Variants in MRS2 observed in about 807,000 individuals in gnomAD.
The protein encoded by MRS2 is magnesium transporter MRS2.
A neutral mutation model predicts 52.6 loss-of-function variants in MRS2; 40 were observed. That is an observed-to-expected ratio of 0.76 (90% CI 0.59 to 0.99). MRS2 has a LOEUF of 0.99. Among genes scored for constraint, MRS2 ranks in the 50% least tolerant of loss-of-function variants. MRS2 has a pLI of 0.00. For missense variants in MRS2, 472 were observed against 532.7 expected, an observed-to-expected ratio of 0.89 and a Z score of 1.12; for synonymous variants, 193 against 195.9, an observed-to-expected ratio of 0.98 and a Z score of 0.13.
Position 24,416,494 on chromosome 6 carries a change from T to TG in MRS2, c.819dup (p.Ser274GlufsTer2). On this transcript the variant is annotated frameshift_variant, in exon 7 of 11. Transcript: ENST00000378386. LOFTEE classifies it high-confidence loss of function. ...GCTAGAAGAGCTCTGTGTATCAAAA[T>TG]GGAGTGACCCACAAGTCTTGTAAGT... 1 of 1,559,480 alleles carries TG rather than the reference T, an allele frequency of 6.4e-7. No homozygotes were observed. Among genetic ancestry groups the TG allele is most frequent in the East Asian group, 2.2e-5 (1 of 44,558 alleles).
intron 2 of MRS2, among the ~76,000 whole-genome samples, chr6:24,406,030 A>G (rs999875399): frequency 6.7e-6 from 1 of 149,248 alleles, no homozygotes; most frequent in Non-Finnish European, 1.5e-5. Context: ...GCATGAACCC[A>G]GGAGGCGGAG....
intron 5 of MRS2, among the ~76,000 whole-genome samples, chr6:24,413,314 T>C (rs1284258023): frequency 6.6e-6 from 1 of 151,786 alleles, no homozygotes; most frequent in Non-Finnish European, 1.5e-5. Context: ...GTGGGGAGAA[T>C]AGAGAGGGAG....
chr6:24,408,733 A>ACAC (rs1761556630), intron 3 of MRS2, among the ~76,000 whole-genome samples: 1 of 152,198 alleles, frequency 6.6e-6, no homozygotes, highest in African/African-American at 2.4e-5. Context: ...GCCCAGAGAC[A>ACAC]CACTCTTTTT....
intron 9 of MRS2, among the ~76,000 whole-genome samples, chr6:24,419,824 C>T (rs557585451): frequency 2.0e-5 from 3 of 152,290 alleles, no homozygotes; most frequent in East Asian, 3.9e-4. Context: ...TGACCCAGTA[C>T]AGTCAACCTT....
chr6:24,425,982 G>A lies in MRS2; in HGVS notation c.*2288G>A, dbSNP rs772265508. 1.3e-5 allele frequency: 2 copies of A among 152,190 alleles called. No homozygotes were observed. Among genetic ancestry groups the A allele is most frequent in the Non-Finnish European group, 2.9e-5 (2 of 68,036 alleles). The allele number at this position is 152,190 out of a possible 1,614,324, so 9.4% of individuals were successfully genotyped here. ...AGAGGTGAGCTAATGGATGGTACAT[G>A]GAGTAGGGACTGCAGAGACCCTAGT... On this transcript the variant is annotated 3_prime_UTR_variant, in exon 11 of 11. Coordinates refer to ENST00000378386, the MANE Select transcript of MRS2 (RefSeq NM_020662.4).
intron 6 of MRS2, among the ~76,000 whole-genome samples, chr6:24,415,727 C>T (rs1254672539): frequency 6.6e-6 from 1 of 152,098 alleles, no homozygotes; most frequent in African/African-American, 2.4e-5. Context: ...TAATAAAATT[C>T]CCAAACCAAA....
intron 6 of MRS2, among the ~76,000 whole-genome samples, chr6:24,415,654 G>A (rs1663283416): frequency 6.6e-6 from 1 of 152,148 alleles, no homozygotes; most frequent in Non-Finnish European, 1.5e-5. Flanking sequence ...ATCCAAAAAT[G>A]TTGGAGTGTT....
chr6:24,417,675 GGCTCAT>G (rs1391337317), intron 7 of MRS2, among the ~76,000 whole-genome samples: 1 of 152,236 alleles, frequency 6.6e-6, no homozygotes, highest in East Asian at 1.9e-4. Flanking sequence ...CAGGCGCTGT[GGCTCAT>G]GCCTGTAATC....
chr6:24,414,655 GCTGTTGGGTACAC>G (rs1281824406), intron 5 of MRS2, among the ~76,000 whole-genome samples: 3 of 152,160 alleles, frequency 2.0e-5, no homozygotes, highest in Non-Finnish European at 4.4e-5. Context: ...TTCTCAATGA[GCTGTTGGGTACAC>G]CTCCCAGACG....
chr6:24,414,751 G>A (rs879288877), intron 5 of MRS2, among the ~76,000 whole-genome samples: 64 of 152,208 alleles, frequency 4.2e-4, no homozygotes, highest in Admixed American at 2.0e-3. Context: ...CTCACCTCCC[G>A]GACGGGGCGG....
chr6:24,423,088 G>GTTAT (rs1762106858), intron 10 of MRS2, 38 bp downstream of exon 10: 1 of 1,537,510 alleles, frequency 6.5e-7, no homozygotes, highest in African/African-American at 1.4e-5. Context: ...TTGTGGAAGG[G>GTTAT]TTATGATCAT....
chr6:24,415,146 A>G lies in MRS2; in HGVS notation c.702A>G (p.Leu234=), dbSNP rs768869629. Residue 234 remains leucine (L), a synonymous_variant, in exon 6 of 11, where the codon TTA becomes TTG. Transcript: ENST00000378386. ...TAGACAGAAGCAAACTGCACATTTT[A>G]CTACAGAATGGCAAAAGGTAAATAT... is the stretch of plus-strand genomic sequence containing the variant. ...SSVDRSKLHI[L]LQNGKSLSEL... 4 of 1,594,030 alleles carry G rather than the reference A, an allele frequency of 2.5e-6. No homozygotes were observed. The highest frequency in any genetic ancestry group is 3.4e-6 in the Non-Finnish European group (4 of 1,164,884).
chr6:24,417,493 G>A (rs1192137968), intron 7 of MRS2, among the ~76,000 whole-genome samples: 1 of 152,112 alleles, frequency 6.6e-6, no homozygotes, highest in East Asian at 1.9e-4. Flanking sequence ...TCCTGTAACT[G>A]GCAGCATGTA....
chr6:24,409,642 G>T, intron 4 of MRS2, 69 bp downstream of exon 4: 1 of 955,804 alleles, frequency 1.0e-6, no homozygotes, highest in African/African-American at 1.7e-5. Context: ...TAACTATCTT[G>T]ATTAGTATCT....
At chr6:24,416,218 G>A (rs542188064) in intron 6 of MRS2, among the ~76,000 whole-genome samples, 179 bp from the exon 7 acceptor site, 2 of 151,656 alleles carry the variant, frequency 1.3e-5, no homozygotes, top group Non-Finnish European at 2.9e-5. Flanking sequence ...ACCATGCCTG[G>A]CCAAATTGAT....
At chr6:24,417,165 T>A (rs1761880778) in intron 7 of MRS2, among the ~76,000 whole-genome samples, 1 of 152,186 alleles carries the variant, frequency 6.6e-6, no homozygotes, top group Non-Finnish European at 1.5e-5. Flanking sequence ...AAGGGGGCTA[T>A]ATAACATTTG....
chr6:24,418,353 A>AT, intron 8 of MRS2, 108 bp from the exon 9 acceptor site: 1 of 1,353,594 alleles, frequency 7.4e-7, no homozygotes, highest in Non-Finnish European at 9.8e-7. Context: ...CATTATTATT[A>AT]TTTTTTTTGT....
chr6:24,409,295 G>A (rs945854788), intron 3 of MRS2, among the ~76,000 whole-genome samples, 166 bp from the exon 4 acceptor site: 1 of 152,162 alleles, frequency 6.6e-6, no homozygotes, highest in Non-Finnish European at 1.5e-5. Context: ...TATTTAGCCC[G>A]AGTATGTTTT....
intron 7 of MRS2, among the ~76,000 whole-genome samples, chr6:24,417,258 A>G (rs935711700): frequency 2.0e-5 from 3 of 152,238 alleles, no homozygotes; most frequent in Non-Finnish European, 4.4e-5. Context: ...ATGCTTTATG[A>G]TACAGGTACC....
Sources: allele counts gnomAD v4.1 joint callset (sites outside exome capture counted in the v4.1 genomes callset), GRCh38; gene constraint gnomAD v4.1.1; transcripts MANE v1.5; gene names NCBI Gene and HGNC (gene_info 2026-07-23, HGNC 2026-07-21).